LMX1A: variants seen among roughly 807,000 people sequenced by gnomAD.
LMX1A encodes LIM homeobox transcription factor 1 alpha, also known as LIM homeobox transcription factor 1-alpha.
Under a neutral mutation model 49.1 loss-of-function variants are expected in LMX1A, and 15 were observed. The ratio of observed to expected loss-of-function variants is 0.31; its 90% confidence interval spans 0.20 to 0.47. The LOEUF is 0.47. Ranked by LOEUF, LMX1A falls within the 20% of genes least tolerant of loss-of-function variation. The probability of loss-of-function intolerance (pLI) is 1.00; values close to 1 mark genes in which losing one functional copy is unlikely to be tolerated. For missense variants in LMX1A, 372 were observed against 475.8 expected (o/e 0.78, Z 2.03); for synonymous variants, 167 against 185.7 (o/e 0.90, Z 0.82).
At chr1:165,277,768 C>T (rs554465249) in intron 3 of LMX1A, among the ~76,000 whole-genome samples, 1 of 152,242 alleles carries the variant, frequency 6.6e-6, no homozygotes, top group East Asian at 1.9e-4. Context: ...AATAGCAGAG[C>T]AAGGAAGGTG....
At chr1:165,215,077 G>T (rs1264525785) in intron 4 of LMX1A, among the ~76,000 whole-genome samples, 1 of 152,088 alleles carries the variant, frequency 6.6e-6, no homozygotes, top group Non-Finnish European at 1.5e-5. Flanking sequence ...TAGCACTTTG[G>T]GAGGCCAGGG....
chr1:165,237,978 A>C (rs1557859298), intron 4 of LMX1A, among the ~76,000 whole-genome samples: 1 of 152,206 alleles, frequency 6.6e-6, no homozygotes, highest in Non-Finnish European at 1.5e-5. Flanking sequence ...CTGGTCATTT[A>C]GCTCAGATAT....
At chr1:165,330,536 A>G (rs1205443959) in intron 3 of LMX1A, among the ~76,000 whole-genome samples, 1 of 152,234 alleles carries the variant, frequency 6.6e-6, no homozygotes, top group African/African-American at 2.4e-5. Flanking sequence ...AGCTCCTATG[A>G]GACCAACCTC....
chr1:165,346,710 A>G (rs1571235754), intron 3 of LMX1A, among the ~76,000 whole-genome samples: 1 of 152,210 alleles, frequency 6.6e-6, no homozygotes, highest in South Asian at 2.1e-4. Flanking sequence ...TTCCAGTTGC[A>G]TCTGCTGTCT....
At position 165,203,531 on chromosome 1, in the gene LMX1A, A is replaced by G; in HGVS notation, c.*349T>C. On this transcript the variant is annotated 3_prime_UTR_variant, in exon 9 of 9. Coordinates refer to ENST00000342310, the MANE Select transcript of LMX1A (RefSeq NM_177398.4). Reference sequence around the variant, plus strand: ...TCTATTGGTGTGTAGATGGATAGACATATGCACCTCTTGACAAGAGCTTCC... The same window carrying G: ...TCTATTGGTGTGTAGATGGATAGACGTATGCACCTCTTGACAAGAGCTTCC... 2 of 188,328 alleles carry G rather than the reference A, an allele frequency of 1.1e-5. No homozygotes were observed. The highest frequency in any genetic ancestry group is 2.2e-5 in the Non-Finnish European group (2 of 89,134). 11.7% of individuals were successfully genotyped at this position (188,328 alleles called of 1,614,324 possible).
intron 3 of LMX1A, among the ~76,000 whole-genome samples, chr1:165,281,080 T>C (rs1328627793): frequency 1.3e-5 from 2 of 152,138 alleles, no homozygotes; most frequent in Non-Finnish European, 2.9e-5. Flanking sequence ...CCTTGCTAAC[T>C]CTGTGACCTC....
chr1:165,285,743 A>G (rs1156805576), intron 3 of LMX1A, among the ~76,000 whole-genome samples: 1 of 152,246 alleles, frequency 6.6e-6, no homozygotes, highest in African/African-American at 2.4e-5. Flanking sequence ...GCAACGGGTT[A>G]CTAAGGAAAG....
intron 8 of LMX1A, among the ~76,000 whole-genome samples, chr1:165,204,559 T>C (rs1465361471): frequency 6.6e-6 from 1 of 151,364 alleles, no homozygotes; most frequent in Non-Finnish European, 1.5e-5. Flanking sequence ...TCAACTAATT[T>C]ACACCTTTGA....
chr1:165,254,674 T>G (rs1258522874), intron 3 of LMX1A, among the ~76,000 whole-genome samples: 1 of 152,130 alleles, frequency 6.6e-6, no homozygotes, highest in Non-Finnish European at 1.5e-5. Flanking sequence ...TGTTCAAAAG[T>G]CCAGGTCATA....
chr1:165,266,271 G>C (rs750223286), intron 3 of LMX1A, among the ~76,000 whole-genome samples: 3 of 152,204 alleles, frequency 2.0e-5, no homozygotes, highest in Non-Finnish European at 4.4e-5. Context: ...AACATCTGAA[G>C]GAGCTGATAA....
At chr1:165,305,286 C>A (rs73017243) in intron 3 of LMX1A, among the ~76,000 whole-genome samples, 169 of 152,238 alleles carry the variant, frequency 1.1e-3, no homozygotes, top group African/African-American at 4.0e-3. Context: ...CCAGCAGTGG[C>A]AGGATCCTGG....
intron 3 of LMX1A, among the ~76,000 whole-genome samples, chr1:165,267,270 C>A (rs1653655832): frequency 6.6e-6 from 1 of 152,110 alleles, no homozygotes; most frequent in Non-Finnish European, 1.5e-5. Flanking sequence ...CCCTTTGTGT[C>A]TATCTTCTTT....
At chr1:165,235,940 C>T (rs918077254) in intron 4 of LMX1A, among the ~76,000 whole-genome samples, 2 of 152,016 alleles carry the variant, frequency 1.3e-5, no homozygotes, top group East Asian at 1.9e-4. Flanking sequence ...TTCTAAGGGG[C>T]CTTTGAAGAC....
chr1:165,308,165 G>A (rs979167716), intron 3 of LMX1A, among the ~76,000 whole-genome samples: 23 of 152,180 alleles, frequency 1.5e-4, no homozygotes, highest in Non-Finnish European at 2.4e-4. Context: ...TGATGCTATC[G>A]TATTCAACAT....
intron 3 of LMX1A, among the ~76,000 whole-genome samples, chr1:165,333,163 TG>T (rs910885271): frequency 2.0e-5 from 3 of 152,226 alleles, no homozygotes; most frequent in Non-Finnish European, 4.4e-5. Flanking sequence ...TCCTTCTTTT[TG>T]TTTTGTTTTG....
chr1:165,316,707 C>T (rs963017188), intron 3 of LMX1A, among the ~76,000 whole-genome samples: 2 of 152,138 alleles, frequency 1.3e-5, no homozygotes, highest in Non-Finnish European at 2.9e-5. Flanking sequence ...CCAGGGGCAT[C>T]CGAGTTACAC....
chr1:165,233,651 T>C (rs934877287), intron 4 of LMX1A, among the ~76,000 whole-genome samples: 2 of 152,244 alleles, frequency 1.3e-5, no homozygotes, highest in African/African-American at 4.8e-5. Context: ...GGTTCTTTTC[T>C]GAACATTCTA....
chr1:165,215,065 C>T (rs1651591209), intron 4 of LMX1A, among the ~76,000 whole-genome samples: 1 of 151,940 alleles, frequency 6.6e-6, no homozygotes, highest in Middle Eastern at 3.4e-3. Context: ...AGCCTATAAT[C>T]CTAGCACTTT....
intron 3 of LMX1A, among the ~76,000 whole-genome samples, chr1:165,250,989 C>G (rs1653040860): frequency 6.6e-6 from 1 of 151,858 alleles, no homozygotes; most frequent in African/African-American, 2.4e-5. Flanking sequence ...GAGGCAGGTA[C>G]CTCCAGAAAG....
Sources: allele counts gnomAD v4.1 joint callset (sites outside exome capture counted in the v4.1 genomes callset), GRCh38; gene constraint gnomAD v4.1.1; transcripts MANE v1.5; gene names NCBI Gene and HGNC (gene_info 2026-07-23, HGNC 2026-07-21).